Variants in L3MBTL4 observed in about 807,000 individuals in gnomAD.
The protein encoded by L3MBTL4 is L3MBTL histone methyl-lysine binding protein 4, also known as lethal(3)malignant brain tumor-like protein 4.
L3MBTL4 carries 70 observed loss-of-function variants against 84.5 expected under a neutral mutation model. The observed-to-expected ratio is 0.83, with a 90% CI of 0.68 to 1.01. L3MBTL4 has a LOEUF of 1.01. Among genes scored for constraint, L3MBTL4 ranks in the 50% least tolerant of loss-of-function variants. L3MBTL4 has a pLI of 0.00. For synonymous variants in L3MBTL4, 274 were observed against 259.8 expected (o/e 1.05, Z -0.52); for missense variants, 715 against 754.8 (o/e 0.95, Z 0.62).
Position 6,083,265 on chromosome 18 carries a change from G to A in L3MBTL4, c.1374-2314C>T, listed in dbSNP as rs150501689. Among the ~76,000 whole-genome samples, 8 of 152,328 alleles carry A rather than the reference G, an allele frequency of 5.3e-5. No individual in the cohort carries two copies. The East Asian group carries it at 1.5e-3, about 29-fold the overall frequency. ...GGGCCAGTGGGGTCTTCAGAGAATGGAGATGGGTTTCCAAAAGTCTCGAGA... is the reference window on the plus strand; with the variant it reads ...GGGCCAGTGGGGTCTTCAGAGAATGAAGATGGGTTTCCAAAAGTCTCGAGA... On this transcript the variant is annotated intron_variant, in intron 15 of 18. Coordinates refer to ENST00000317931, the MANE Select transcript of L3MBTL4 (RefSeq NM_001330559.2).
chr18:6,282,773 G>C (rs2049379844), intron 4 of L3MBTL4, among the ~76,000 whole-genome samples: 1 of 152,152 alleles, frequency 6.6e-6, no homozygotes, highest in Admixed American at 6.5e-5. Context: ...GGAGTACCAA[G>C]AGCAGGCCTG....
At chr18:6,303,199 C>T (rs1390980066) in intron 3 of L3MBTL4, among the ~76,000 whole-genome samples, 1 of 152,010 alleles carries the variant, frequency 6.6e-6, no homozygotes, top group Non-Finnish European at 1.5e-5. Flanking sequence ...AATCTCGGCT[C>T]ACTGCAACCA....
chr18:6,030,296 T>A (rs923304194), intron 16 of L3MBTL4: 1 of 985,212 alleles, frequency 1.0e-6, no homozygotes, highest in Non-Finnish European at 1.2e-6. Flanking sequence ...AATGCACAAA[T>A]CAATAATATG....
At chr18:6,301,755 CAGA>C (rs2050347998) in intron 4 of L3MBTL4, 145 bp downstream of exon 4, 1 of 663,910 alleles carries the variant, frequency 1.5e-6, no homozygotes, top group Non-Finnish European at 2.7e-6. Flanking sequence ...ATAAAGTCTG[CAGA>C]AGAGTATGCA....
intron 16 of L3MBTL4, chr18:6,032,125 C>T (rs2055835661): frequency 4.0e-6 from 1 of 251,466 alleles, no homozygotes; most frequent in South Asian, 4.5e-5. Flanking sequence ...CTATAGGCAC[C>T]CGCCACCACG....
At chr18:6,292,053 C>T (rs61382399) in intron 4 of L3MBTL4, among the ~76,000 whole-genome samples, 28,764 of 152,084 alleles carry the variant, frequency 0.19, 2,859 homozygotes, top group African/African-American at 0.24. Flanking sequence ...ATATTTAAAG[C>T]GATGGATATC....
At chr18:6,006,559 G>A (rs181188689) in intron 16 of L3MBTL4, among the ~76,000 whole-genome samples, 26 of 152,224 alleles carry the variant, frequency 1.7e-4, no homozygotes, top group Admixed American at 1.2e-3. Flanking sequence ...ATTTAGTAAC[G>A]TACATAAGCA....
At chr18:6,199,657 A>G (rs866855430) in intron 12 of L3MBTL4, among the ~76,000 whole-genome samples, 1 of 152,230 alleles carries the variant, frequency 6.6e-6, no homozygotes, top group Non-Finnish European at 1.5e-5. Flanking sequence ...TATGCTATCC[A>G]CAGCTCCGGG....
chr18:5,995,049 A>G (rs2053888213), intron 16 of L3MBTL4, among the ~76,000 whole-genome samples: 1 of 152,290 alleles, frequency 6.6e-6, no homozygotes, highest in Non-Finnish European at 1.5e-5. Flanking sequence ...TCCAAAGTAT[A>G]TTGAAAGCTA....
At chr18:6,388,299 G>GA (rs1173300939) in intron 1 of L3MBTL4, among the ~76,000 whole-genome samples, 2 of 152,096 alleles carry the variant, frequency 1.3e-5, no homozygotes, top group Admixed American at 6.6e-5. Context: ...AGAAAAACAT[G>GA]AAAAAATGTA....
chr18:6,029,357 A>G, intron 16 of L3MBTL4: 5 of 665,206 alleles, frequency 7.5e-6, no homozygotes, highest in Non-Finnish European at 9.3e-6. Context: ...AATTAGAATA[A>G]AGAACTTTCA....
intron 1 of L3MBTL4, chr18:6,395,449 A>G (rs2055231196): frequency 6.6e-6 from 1 of 152,042 alleles, no homozygotes; most frequent in African/African-American, 2.4e-5. Flanking sequence ...CTGACATATA[A>G]AGGGGGGGAA....
intron 12 of L3MBTL4, among the ~76,000 whole-genome samples, chr18:6,180,908 T>A (rs2145345227): frequency 6.6e-6 from 1 of 152,338 alleles, no homozygotes; most frequent in Admixed American, 6.5e-5. Flanking sequence ...TGAATGGGTA[T>A]GTGGTATGTA....
At chr18:6,395,684 CA>C (rs1240077182) in intron 1 of L3MBTL4, 1 of 152,088 alleles carries the variant, frequency 6.6e-6, no homozygotes, top group Non-Finnish European at 1.5e-5. Context: ...GGAGTAAATT[CA>C]CAATTAAACA....
intron 16 of L3MBTL4, among the ~76,000 whole-genome samples, chr18:6,043,304 C>G (rs1167886092): frequency 6.6e-6 from 1 of 152,094 alleles, no homozygotes; most frequent in Non-Finnish European, 1.5e-5. Flanking sequence ...AAAGGCCAGA[C>G]TCTCCCTGTC....
chr18:6,300,521 C>T (rs544073883), intron 4 of L3MBTL4, among the ~76,000 whole-genome samples: 1 of 152,192 alleles, frequency 6.6e-6, no homozygotes, highest in Admixed American at 6.5e-5. Flanking sequence ...TTGTTAAAAA[C>T]AAGAACAAAT....
In L3MBTL4 at chr18:6,088,912, G is replaced by A. The variant is rs115708587; in HGVS notation, c.1373+4443C>T. Among the ~76,000 whole-genome samples, 746 of 152,174 alleles carry A rather than the reference G, an allele frequency of 4.9e-3. 5 individuals carry two copies. Among genetic ancestry groups the A allele is most frequent in the African/African-American group, 0.015 (641 of 41,536 alleles). ...ACTAATATTAGCTTTCAAAAAGTGC[G>A]TGAAATTTATAATATGGCAGGCATC... is the stretch of plus-strand genomic sequence containing the variant. On this transcript the variant is annotated intron_variant, in intron 15 of 18. Transcript: ENST00000317931.
chr18:6,100,582 T>C (rs970692674), intron 14 of L3MBTL4, among the ~76,000 whole-genome samples: 2 of 152,214 alleles, frequency 1.3e-5, no homozygotes, highest in South Asian at 4.1e-4. Flanking sequence ...GGGGATTATA[T>C]TGTGGGACTC....
chr18:6,217,075 T>A (rs2046357126), intron 10 of L3MBTL4, among the ~76,000 whole-genome samples: 1 of 152,118 alleles, frequency 6.6e-6, no homozygotes, highest in Admixed American at 6.6e-5. Context: ...AAAATAAGTA[T>A]TTTTTTACAA....
Sources: allele counts gnomAD v4.1 joint callset (sites outside exome capture counted in the v4.1 genomes callset), GRCh38; gene constraint gnomAD v4.1.1; transcripts MANE v1.5; gene names NCBI Gene and HGNC (gene_info 2026-07-23, HGNC 2026-07-21).